The following SRGAP1 variants were observed in gnomAD, a reference collection of about 807,000 sequenced individuals.
SRGAP1 encodes SLIT-ROBO Rho GTPase activating protein 1.
Under a neutral mutation model 121.9 loss-of-function variants are expected in SRGAP1, and 43 were observed. That is an observed-to-expected ratio of 0.35 (90% CI 0.28 to 0.46). SRGAP1 has a LOEUF of 0.46. Among genes scored for constraint, SRGAP1 ranks in the 20% least tolerant of loss-of-function variants. The pLI is 1.00. For synonymous variants in SRGAP1, 447 were observed against 485.4 expected, an observed-to-expected ratio of 0.92 and a Z score of 1.04; for missense variants, 1,102 against 1,350.9, an observed-to-expected ratio of 0.82 and a Z score of 2.89.
chr12:63,872,023 CG>C (rs1477230820), intron 1 of SRGAP1: 10 of 848,058 alleles, frequency 1.2e-5, no homozygotes, highest in Non-Finnish European at 2.0e-5. Context: ...AAAGGTTCTT[CG>C]GGTTTAGGTA....
intron 16 of SRGAP1, among the ~76,000 whole-genome samples, chr12:64,109,248 C>T (rs2279666): frequency 0.43 from 65,669 of 151,756 alleles, 14,706 homozygotes; most frequent in East Asian, 0.63. Flanking sequence ...AAAACTGTGG[C>T]CACAAATGCA....
chr12:64,080,414 TC>T, intron 10 of SRGAP1, 44 bp downstream of exon 10: 61 of 1,327,178 alleles, frequency 4.6e-5, no homozygotes, highest in Non-Finnish European at 6.1e-5. Context: ...GGATGATACA[TC>T]GTATCATGTA....
intron 16 of SRGAP1, among the ~76,000 whole-genome samples, chr12:64,110,851 A>G (rs1363365110): frequency 6.6e-6 from 1 of 152,212 alleles, no homozygotes; most frequent in Non-Finnish European, 1.5e-5. Flanking sequence ...AGGGTAAAGT[A>G]TCATGTCATG....
At chr12:63,988,428 A>C (rs959299799) in intron 2 of SRGAP1, among the ~76,000 whole-genome samples, 21 of 152,146 alleles carry the variant, frequency 1.4e-4, no homozygotes, top group African/African-American at 5.1e-4. Context: ...AAAAAGGGAG[A>C]TCTCAGGGTA....
chr12:63,948,551 T>C (rs2032125655), intron 1 of SRGAP1, among the ~76,000 whole-genome samples: 3 of 152,114 alleles, frequency 2.0e-5, no homozygotes, highest in African/African-American at 7.2e-5. Flanking sequence ...TTTTGTAACT[T>C]AGGACACTTA....
chr12:64,109,982 T>C (rs1449494945), intron 16 of SRGAP1, among the ~76,000 whole-genome samples: 1 of 152,164 alleles, frequency 6.6e-6, no homozygotes, highest in African/African-American at 2.4e-5. Context: ...ACTCTACTGC[T>C]GACCTGTGGT....
At chr12:64,091,945 G>A (rs759185227) in intron 12 of SRGAP1, 10 of 1,532,924 alleles carry the variant, frequency 6.5e-6, no homozygotes, top group African/African-American at 1.4e-5. Context: ...CTAGAGGGAC[G>A]TGAGGGTGCT....
At chr12:64,070,221 C>G (rs2035615115) in intron 8 of SRGAP1, among the ~76,000 whole-genome samples, 1 of 152,184 alleles carries the variant, frequency 6.6e-6, no homozygotes, top group Non-Finnish European at 1.5e-5. Flanking sequence ...TTGCTTCTTT[C>G]TTTCCAAACT....
chr12:63,969,852 C>T (rs2032894024), intron 1 of SRGAP1, among the ~76,000 whole-genome samples: 1 of 151,504 alleles, frequency 6.6e-6, no homozygotes, highest in South Asian at 2.1e-4. Flanking sequence ...ATGTACAGAC[C>T]AAAACTCTCT....
chr12:63,877,696 G>A (rs967179097), intron 1 of SRGAP1, among the ~76,000 whole-genome samples: 5 of 152,210 alleles, frequency 3.3e-5, no homozygotes, highest in African/African-American at 1.2e-4. Flanking sequence ...ATTTAGATGT[G>A]TGGTGGTGTC....
At chr12:63,896,573 T>A (rs1900760626) in intron 1 of SRGAP1, among the ~76,000 whole-genome samples, 2 of 152,182 alleles carry the variant, frequency 1.3e-5, no homozygotes, top group African/African-American at 4.8e-5. Context: ...GACTGGAGAA[T>A]GTGTACCCTG....
intron 1 of SRGAP1, among the ~76,000 whole-genome samples, chr12:63,952,462 G>A (rs1205135311): frequency 6.6e-6 from 1 of 152,174 alleles, no homozygotes; most frequent in Non-Finnish European, 1.5e-5. Context: ...GCTGCAGTGA[G>A]CTATGATTGT....
chr12:63,996,867 A>G (rs886940845), intron 3 of SRGAP1, among the ~76,000 whole-genome samples: 6 of 152,126 alleles, frequency 3.9e-5, no homozygotes, highest in African/African-American at 1.4e-4. Context: ...AAATAAGCCA[A>G]AACTAAACTA....
intron 8 of SRGAP1, among the ~76,000 whole-genome samples, chr12:64,067,936 TGAGA>T (rs2035568958): frequency 6.7e-6 from 1 of 150,194 alleles, no homozygotes; most frequent in Non-Finnish European, 1.5e-5. Context: ...AAAAAAAAGT[TGAGA>T]GAGAATTTCA....
chr12:63,900,149 A>T (rs1900887878), intron 1 of SRGAP1, among the ~76,000 whole-genome samples: 1 of 151,682 alleles, frequency 6.6e-6, no homozygotes, highest in Admixed American at 6.6e-5. Flanking sequence ...TTATGAACTA[A>T]GCAATGCCTT....
rs1042102365 is a variant in SRGAP1, at chr12:64,150,952, A to C, written c.*8280A>C. 2 of 148,640 alleles carry C rather than the reference A, an allele frequency of 1.3e-5. No homozygotes were observed. Among genetic ancestry groups the C allele is most frequent in the African/African-American group, 2.4e-5 (1 of 40,934 alleles). 9.2% of individuals were successfully genotyped at this position (148,640 alleles called of 1,614,324 possible). On this transcript the variant is annotated 3_prime_UTR_variant, in exon 22 of 22. Coordinates refer to ENST00000355086, the MANE Select transcript of SRGAP1 (RefSeq NM_020762.4). ...GCTATCTCAAAAAAAAAAAAAAAAA[A>C]AAAAAAAACATGGTCAAGATTTGTA...
chr12:63,971,699 G>A lies in SRGAP1; in HGVS notation c.68-12248G>A, dbSNP rs577561967. Reference sequence around the variant, plus strand: ...TCTGACATTTTAAAGCTAGTTAATGGTCAGTACTTGCTAAGGCCTGAAAAA... The same window carrying A: ...TCTGACATTTTAAAGCTAGTTAATGATCAGTACTTGCTAAGGCCTGAAAAA... On this transcript the variant is annotated intron_variant, in intron 1 of 21. Transcript: ENST00000355086. Among the ~76,000 whole-genome samples the A allele has an allele frequency of 1.1e-3, 167 of 152,170 alleles. 1 individual carries two copies. Among genetic ancestry groups the A allele is most frequent in the African/African-American group, 3.7e-3 (154 of 41,516 alleles).
intron 15 of SRGAP1, among the ~76,000 whole-genome samples, chr12:64,102,664 TA>T (rs1159815657): frequency 6.6e-6 from 1 of 152,230 alleles, no homozygotes; most frequent in Admixed American, 6.5e-5. Flanking sequence ...AATAGAATTA[TA>T]CAGTATGTTG....
intron 1 of SRGAP1, among the ~76,000 whole-genome samples, chr12:63,943,183 C>T (rs1318983824): frequency 6.6e-6 from 1 of 152,086 alleles, no homozygotes; most frequent in African/African-American, 2.4e-5. Context: ...AAAATATTGA[C>T]AGTCTCTTCA....
Sources: allele counts gnomAD v4.1 joint callset (sites outside exome capture counted in the v4.1 genomes callset), GRCh38; gene constraint gnomAD v4.1.1; transcripts MANE v1.5; gene names NCBI Gene and HGNC (gene_info 2026-07-23, HGNC 2026-07-21).